The following SGPL1 variants were observed in gnomAD, a reference collection of about 807,000 sequenced individuals.
SGPL1 encodes sphingosine-1-phosphate lyase 1, also known as SP-lyase 1.
SGPL1 carries 37 observed loss-of-function variants against 68.9 expected under a neutral mutation model. The ratio of observed to expected loss-of-function variants is 0.54; its 90% CI spans 0.41 to 0.71. SGPL1 has a LOEUF of 0.71. Ranked by LOEUF, SGPL1 falls within the 30% of genes least tolerant of loss-of-function variation. The pLI, the probability that SGPL1 is intolerant of heterozygous loss-of-function variation, is 0.00. For missense variants in SGPL1, 551 were observed against 704.6 expected, an observed-to-expected ratio of 0.78 and a Z score of 2.47; for synonymous variants, 236 against 248.5, an observed-to-expected ratio of 0.95 and a Z score of 0.47.
intron 7 of SGPL1, among the ~76,000 whole-genome samples, chr10:70,862,161 C>T (rs904070705): frequency 6.6e-6 from 1 of 152,210 alleles, no homozygotes; most frequent in Non-Finnish European, 1.5e-5. Flanking sequence ...TTATGTGTAG[C>T]TCAGGGATTG....
chr10:70,876,516 T>G (rs1469895743), intron 13 of SGPL1, 25 bp from the exon 14 acceptor site: 30 of 1,591,450 alleles, frequency 1.9e-5, no homozygotes, highest in Non-Finnish European at 2.0e-5. Flanking sequence ...TCAAGGTTCA[T>G]CTCTCTCTGT....
intron 2 of SGPL1, among the ~76,000 whole-genome samples, chr10:70,842,848 T>C (rs1357758680): frequency 6.6e-6 from 1 of 152,192 alleles, no homozygotes; most frequent in Non-Finnish European, 1.5e-5. Context: ...CTCATTTACT[T>C]GGGCACTGTT....
At chr10:70,843,118 CT>C (rs1845741778) in intron 2 of SGPL1, among the ~76,000 whole-genome samples, 1 of 152,172 alleles carries the variant, frequency 6.6e-6, no homozygotes, top group Non-Finnish European at 1.5e-5. Context: ...TTTTAACCAG[CT>C]TAAATTTTGC....
At chr10:70,846,542 T>A (rs1276699249) in intron 3 of SGPL1, among the ~76,000 whole-genome samples, 1 of 152,144 alleles carries the variant, frequency 6.6e-6, no homozygotes, top group African/African-American at 2.4e-5. Flanking sequence ...CAGAACTTTT[T>A]CATCACCCCA....
intron 2 of SGPL1, among the ~76,000 whole-genome samples, chr10:70,818,551 A>C (rs72816582): frequency 0.17 from 26,332 of 152,206 alleles, 2,922 homozygotes; most frequent in South Asian, 0.32. Flanking sequence ...AAACTGGCAA[A>C]AACTGGTAGT....
rs116337166 is a variant in SGPL1, at chr10:70,828,206, C to T, written c.27+11326C>T. On this transcript the variant is annotated intron_variant, in intron 2 of 14. Transcript: ENST00000373202. ...ACGCTACCAGAGTTTTAATATATAA[C>T]TTCTTGATTTAGCTTTGGGCAGCAA... Among the ~76,000 whole-genome samples the T allele has an allele frequency of 7.1e-3, 1,077 of 152,246 alleles. 14 individuals are homozygous for T. Among genetic ancestry groups the T allele is most frequent in the African/African-American group, 0.025 (1,034 of 41,562 alleles).
intron 2 of SGPL1, among the ~76,000 whole-genome samples, chr10:70,830,713 T>C (rs1481507086): frequency 6.6e-6 from 1 of 152,216 alleles, no homozygotes; most frequent in Non-Finnish European, 1.5e-5. Context: ...GACTGGCCTT[T>C]AGGATGTCCT....
intron 9 of SGPL1, among the ~76,000 whole-genome samples, chr10:70,870,507 C>CA (rs35049583): frequency 2.5e-4 from 36 of 143,158 alleles, no homozygotes; most frequent in Non-Finnish European, 2.9e-4. Context: ...GACCCTGTCT[C>CA]AAAAAAAAAA....
rs141169036 is a variant in SGPL1, at chr10:70,838,937, T to C, written c.28-5536T>C. On this transcript the variant is annotated intron_variant, in intron 2 of 14. Transcript: ENST00000373202. ...ACTCTAATACACATATTGAAACAGTTTGAAACTCAGTGGTCTAACAAGTAG... is the reference window on the plus strand; with the variant it reads ...ACTCTAATACACATATTGAAACAGTCTGAAACTCAGTGGTCTAACAAGTAG... Among the ~76,000 whole-genome samples the C allele has an allele frequency of 5.4e-3, 823 of 152,308 alleles. 6 individuals are homozygous for C. Among genetic ancestry groups the C allele is most frequent in the African/African-American group, 0.019 (778 of 41,564 alleles).
intron 6 of SGPL1, among the ~76,000 whole-genome samples, chr10:70,858,711 C>T (rs1029026713): frequency 6.6e-6 from 1 of 152,182 alleles, no homozygotes; most frequent in Non-Finnish European, 1.5e-5. Context: ...TTCTTAACTA[C>T]TTCTCTTCAT....
intron 2 of SGPL1, among the ~76,000 whole-genome samples, chr10:70,834,829 G>GA (rs1845599039): frequency 2.0e-5 from 3 of 152,264 alleles, no homozygotes; most frequent in Admixed American, 2.0e-4. Flanking sequence ...CTAGGCAGTG[G>GA]AAAAAACAAT....
chr10:70,849,423 T>C (rs1402241478), intron 3 of SGPL1, among the ~76,000 whole-genome samples: 1 of 152,202 alleles, frequency 6.6e-6, no homozygotes, highest in African/African-American at 2.4e-5. Context: ...CTCAGGTATG[T>C]ATTACAGTGT....
chr10:70,861,010 G>A (rs1846042131), intron 7 of SGPL1, among the ~76,000 whole-genome samples: 1 of 149,910 alleles, frequency 6.7e-6, no homozygotes, highest in South Asian at 2.1e-4. Context: ...AGTAATCTTT[G>A]AAAGCCTTTT....
chr10:70,858,674 C>G (rs1270100443), intron 6 of SGPL1, among the ~76,000 whole-genome samples: 1 of 152,216 alleles, frequency 6.6e-6, no homozygotes, highest in Non-Finnish European at 1.5e-5. Context: ...ATACAAGTTT[C>G]TTCATGAGCC....
Position 70,816,915 on chromosome 10 carries a change from G to T in SGPL1, c.27+35G>T, listed in dbSNP as rs569408509. 3 of 1,609,978 alleles carry T rather than the reference G, an allele frequency of 1.9e-6. No homozygotes were observed. The African/African-American group carries it at 4.0e-5, about 22-fold the overall frequency. Reference sequence around the variant, plus strand: ...TTGCAGACATCCTCCTGGTTCCAAGGCATTTGTCTCCGTTTTTTTAGTCCA... The same window carrying T: ...TTGCAGACATCCTCCTGGTTCCAAGTCATTTGTCTCCGTTTTTTTAGTCCA... On this transcript the variant is annotated intron_variant, in intron 2 of 14. Coordinates refer to ENST00000373202, the MANE Select transcript of SGPL1 (RefSeq NM_003901.4).
At chr10:70,819,034 A>G (rs559655106) in intron 2 of SGPL1, among the ~76,000 whole-genome samples, 142 of 152,208 alleles carry the variant, frequency 9.3e-4, no homozygotes, top group Non-Finnish European at 1.4e-3. Context: ...ATCCTCTTAC[A>G]GAAGGATATG....
At chr10:70,854,639 G>A in intron 4 of SGPL1, 69 bp from the exon 5 acceptor site, 1 of 1,407,596 alleles carries the variant, frequency 7.1e-7, no homozygotes, top group South Asian at 1.4e-5. Flanking sequence ...TTGCTTGACT[G>A]TCATAATAAT....
At chr10:70,864,122 G>GTTCAGTTCA (rs1196705603) in intron 7 of SGPL1, among the ~76,000 whole-genome samples, 1 of 151,960 alleles carries the variant, frequency 6.6e-6, no homozygotes, top group African/African-American at 2.4e-5. Flanking sequence ...CAGTTAGGAA[G>GTTCAGTTCA]GTTGCTCAAG....
chr10:70,844,369 G>A (rs1845759017), intron 2 of SGPL1, 104 bp from the exon 3 acceptor site: 4 of 998,574 alleles, frequency 4.0e-6, no homozygotes, highest in Non-Finnish European at 5.8e-6. Flanking sequence ...GGCAAGATCC[G>A]GAATGACCTT....
Sources: gnomAD v4.1 joint callset for allele counts (sites outside exome capture counted in the v4.1 genomes callset) on GRCh38, gnomAD v4.1.1 for gene constraint, MANE v1.5 for transcripts, NCBI Gene and HGNC (gene_info 2026-07-23, HGNC 2026-07-21) for gene names.